The following ELP3 variants were observed in gnomAD, a reference collection of about 807,000 sequenced individuals.
ELP3 encodes the protein elongator complex protein 3.
A neutral mutation model predicts 74.9 loss-of-function variants in ELP3; 56 were observed. The ratio of observed to expected loss-of-function variants is 0.75; its 90% confidence interval spans 0.60 to 0.93. The LOEUF is 0.93. ELP3 is among the 40% of genes least tolerant of loss of function. ELP3 has a pLI of 0.00. For missense variants in ELP3, 573 were observed against 686.5 expected (o/e 0.83, Z 1.85); for synonymous variants, 222 against 239.8 (o/e 0.93, Z 0.68).
intron 14 of ELP3, among the ~76,000 whole-genome samples, chr8:28,165,211 C>A (rs1351658556): frequency 6.6e-6 from 1 of 152,082 alleles, no homozygotes; most frequent in Non-Finnish European, 1.5e-5. Context: ...AGAATTCTAC[C>A]CCTTAGTATC....
intron 7 of ELP3, among the ~76,000 whole-genome samples, chr8:28,127,661 A>G (rs1000274): frequency 0.53 from 80,101 of 151,970 alleles, 21,925 homozygotes; most frequent in East Asian, 0.89. Flanking sequence ...CCTGTTTAAG[A>G]GGCACAGGAC....
At chr8:28,100,055 A>G in intron 3 of ELP3, 89 bp downstream of exon 3, 18 of 1,554,820 alleles carry the variant, frequency 1.2e-5, no homozygotes, top group Non-Finnish European at 1.5e-5. Flanking sequence ...GTAGTGAGGT[A>G]GAGGTTGGGG....
intron 7 of ELP3, among the ~76,000 whole-genome samples, chr8:28,114,782 T>A (rs953027136): frequency 3.3e-5 from 5 of 152,206 alleles, no homozygotes; most frequent in Non-Finnish European, 7.3e-5. Flanking sequence ...CCAAGATACA[T>A]GCTTTTAAGG....
At chr8:28,100,042 C>T (rs890206327) in intron 3 of ELP3, 76 bp downstream of exon 3, 14 of 1,582,362 alleles carry the variant, frequency 8.8e-6, no homozygotes, top group East Asian at 6.7e-5. Context: ...ATGTGACGCC[C>T]GTGTAGTGAG....
At chr8:28,106,838 C>T in intron 4 of ELP3, 55 bp downstream of exon 4, 3 of 1,303,872 alleles carry the variant, frequency 2.3e-6, no homozygotes, top group East Asian at 2.3e-5. Flanking sequence ...GCTAAATATG[C>T]CCCCTCTAGC....
chr8:28,094,490 G>A (rs1811173555), intron 1 of ELP3, among the ~76,000 whole-genome samples: 1 of 152,184 alleles, frequency 6.6e-6, no homozygotes, highest in Admixed American at 6.5e-5. Flanking sequence ...AGGCCAAGGC[G>A]GGTGGATCAC....
chr8:28,139,868 C>G (rs767668393), intron 10 of ELP3, among the ~76,000 whole-genome samples: 5 of 152,126 alleles, frequency 3.3e-5, no homozygotes, highest in Admixed American at 6.5e-5. Flanking sequence ...TCACTTGAAC[C>G]TGGGAGGCGG....
chr8:28,092,718 C>T (rs950656167), upstream of ELP3: 20 of 224,972 alleles, frequency 8.9e-5, no homozygotes, highest in East Asian at 2.6e-3. Flanking sequence ...CGCCTGGTCT[C>T]TTCCAGGCCC....
chr8:28,161,873 TG>T, intron 13 of ELP3, 123 bp from the exon 14 acceptor site: 1 of 784,876 alleles, frequency 1.3e-6, no homozygotes. Flanking sequence ...CTCCCATAAG[TG>T]GGCTTTTTCA....
intron 14 of ELP3, among the ~76,000 whole-genome samples, chr8:28,173,192 G>C (rs1814600934): frequency 6.6e-6 from 1 of 151,990 alleles, no homozygotes; most frequent in Non-Finnish European, 1.5e-5. Flanking sequence ...GCAAGTATTT[G>C]AGAAGGATTG....
At chr8:28,136,060 C>G (rs1812978418) in intron 9 of ELP3, among the ~76,000 whole-genome samples, 1 of 151,324 alleles carries the variant, frequency 6.6e-6, no homozygotes, top group African/African-American at 2.4e-5. Context: ...CTCCTGGGTT[C>G]AAGCAATTCT....
chr8:28,094,109 T>G (rs901193207), intron 1 of ELP3, among the ~76,000 whole-genome samples: 2 of 152,256 alleles, frequency 1.3e-5, no homozygotes, highest in African/African-American at 4.8e-5. Context: ...CAAGTTACCT[T>G]AGATTAAGTC....
intron 14 of ELP3, among the ~76,000 whole-genome samples, chr8:28,166,497 T>C (rs1401553995): frequency 2.0e-5 from 3 of 152,238 alleles, no homozygotes; most frequent in Non-Finnish European, 4.4e-5. Context: ...TCCATATAGC[T>C]TCTATCAACA....
At chr8:28,131,398 G>C (rs150901381) in intron 8 of ELP3, among the ~76,000 whole-genome samples, 2 of 152,160 alleles carry the variant, frequency 1.3e-5, no homozygotes, top group African/African-American at 4.8e-5. Context: ...ATTTTAAATA[G>C]TGCTGCTTTA....
intron 14 of ELP3, among the ~76,000 whole-genome samples, chr8:28,178,101 TTAAA>T (rs527320381): frequency 5.9e-5 from 9 of 152,328 alleles, no homozygotes; most frequent in Non-Finnish European, 1.2e-4. Flanking sequence ...TTATAAAATG[TTAAA>T]TAACACCTGT....
intron 14 of ELP3, among the ~76,000 whole-genome samples, chr8:28,174,256 T>G (rs1814651663): frequency 6.6e-6 from 1 of 152,104 alleles, no homozygotes; most frequent in Non-Finnish European, 1.5e-5. Flanking sequence ...CAAGTTTTGC[T>G]TCATATATTT....
chr8:28,116,549 G>A (rs148778367), intron 7 of ELP3, among the ~76,000 whole-genome samples: 138 of 152,284 alleles, frequency 9.1e-4, no homozygotes, highest in Non-Finnish European at 1.6e-3. Context: ...AGACCAGCCT[G>A]ACCAACATGG....
rs1585630788 is a variant in ELP3 at position 28,099,427 on chromosome 8, G to C, written c.120-401G>C. 2.0e-5 allele frequency among the ~76,000 whole-genome samples: 3 copies of C among 152,302 alleles called. 1 individual carries two copies. The highest frequency in any genetic ancestry group is 4.4e-5 in the Non-Finnish European group (3 of 68,018). The stretch of plus-strand genomic sequence containing the variant: ...CTGGTAGTACATAGAGACCAAGGAT[G>C]CTGCTAAACATCCCTCAATTCGCTG... On this transcript the variant is annotated intron_variant, in intron 2 of 14. Coordinates refer to ENST00000256398, the MANE Select transcript of ELP3 (RefSeq NM_018091.6).
chr8:28,096,404 G>A (rs1293735883), intron 1 of ELP3, among the ~76,000 whole-genome samples: 1 of 152,186 alleles, frequency 6.6e-6, no homozygotes, highest in Non-Finnish European at 1.5e-5. Context: ...TATCAAAAAG[G>A]TTGGGAACCA....
Sources: gnomAD v4.1 joint callset for allele counts (sites outside exome capture counted in the v4.1 genomes callset) on GRCh38, gnomAD v4.1.1 for gene constraint, MANE v1.5 for transcripts, NCBI Gene and HGNC (gene_info 2026-07-23, HGNC 2026-07-21) for gene names.